The following SH3RF3 variants were observed in gnomAD, a reference collection of about 807,000 sequenced individuals.
SH3RF3 encodes the protein SH3 domain containing ring finger 3, also known as E3 ubiquitin-protein ligase SH3RF3.
Under a neutral mutation model 66.3 loss-of-function variants are expected in SH3RF3, and 29 were observed. The ratio of observed to expected loss-of-function variants is 0.44; its 90% CI spans 0.33 to 0.60. SH3RF3 has a LOEUF of 0.60. SH3RF3 is among the 20% of genes least tolerant of loss of function. The pLI is 0.04. For synonymous variants in SH3RF3, 583 were observed against 532.0 expected (o/e 1.10, Z -1.32); for missense variants, 1,194 against 1,190.9 (o/e 1.00, Z -0.04).
At chr2:109,407,957 T>C (rs1465589771) in intron 4 of SH3RF3, among the ~76,000 whole-genome samples, 1 of 152,176 alleles carries the variant, frequency 6.6e-6, no homozygotes, top group Non-Finnish European at 1.5e-5. Flanking sequence ...CTTTTGCTGC[T>C]ATGACGAGCT....
chr2:109,254,925 A>T (rs1211766106), intron 1 of SH3RF3, among the ~76,000 whole-genome samples: 1 of 152,170 alleles, frequency 6.6e-6, no homozygotes, highest in Admixed American at 6.5e-5. Context: ...CTGGTCTCAA[A>T]AGCTAGAAAA....
Position 109,366,507 on chromosome 2 carries a change from T to C in SH3RF3, c.850-5079T>C, listed in dbSNP as rs1156948329. 2.0e-5 allele frequency among the ~76,000 whole-genome samples: 3 copies of C among 152,226 alleles called. No homozygotes were observed. The East Asian group carries it at 5.8e-4, about 29-fold the overall frequency. On this transcript the variant is annotated intron_variant, in intron 2 of 9. Coordinates refer to ENST00000309415, the MANE Select transcript of SH3RF3 (RefSeq NM_001099289.3). ...ATATATACGTTTATGCACGTATACA[T>C]ATATACATACTTGAGGAGAATATCT... is the stretch of plus-strand genomic sequence containing the variant.
chr2:109,249,033 C>T (rs928176756), intron 1 of SH3RF3, among the ~76,000 whole-genome samples: 1 of 152,208 alleles, frequency 6.6e-6, no homozygotes, highest in Non-Finnish European at 1.5e-5. Flanking sequence ...AGGTGCATGC[C>T]ACCATGCCCA....
At chr2:109,315,697 C>G (rs2105442255) in intron 1 of SH3RF3, among the ~76,000 whole-genome samples, 1 of 152,350 alleles carries the variant, frequency 6.6e-6, no homozygotes, top group South Asian at 2.1e-4. Flanking sequence ...TCAGTCCAGG[C>G]TTTCCCACCC....
At chr2:109,240,132 G>T (rs1679744239) in intron 1 of SH3RF3, among the ~76,000 whole-genome samples, 1 of 152,166 alleles carries the variant, frequency 6.6e-6, no homozygotes, top group African/African-American at 2.4e-5. Context: ...TCTAGACTTG[G>T]CACTGCCCTC....
chr2:109,208,129 G>T (rs1450282497), intron 1 of SH3RF3, among the ~76,000 whole-genome samples: 1 of 152,268 alleles, frequency 6.6e-6, no homozygotes, highest in Middle Eastern at 3.2e-3. Flanking sequence ...GCCCCCATGG[G>T]CTCAGAGTCT....
Position 109,501,510 on chromosome 2 carries a change from G to T in SH3RF3, c.2488G>T (p.Val830Leu). 1 of 778,000 alleles carries T rather than the reference G, an allele frequency of 1.3e-6. No homozygotes were observed. Among genetic ancestry groups the T allele is most frequent in the Non-Finnish European group, 2.4e-6 (1 of 416,860 alleles). The allele number at this position is 778,000 out of a possible 1,614,324, so 48.2% of individuals were successfully genotyped here. A position where few individuals can be genotyped will look rare whatever the true frequency, so the allele number is the denominator to read the frequency against. ...ACTGTGCTGTTTCCCCAGGTACCGC[G>T]TGGTGGTCTCGTACCCACCCCAGAG... is the stretch of plus-strand genomic sequence containing the variant. Reference protein sequence around the residue: ...PKLLPRERYRVVVSYPPQSEA... With the variant: ...PKLLPRERYRLVVSYPPQSEA... The change falls in exon 10 of 10, where the codon GTG (valine) becomes TTG (leucine). Residue 830 changes from valine to leucine, a missense_variant. Val to Leu is a conservative substitution (Grantham distance 32). Transcript: ENST00000309415.
At chr2:109,278,796 C>G (rs1375074472) in intron 1 of SH3RF3, among the ~76,000 whole-genome samples, 1 of 152,178 alleles carries the variant, frequency 6.6e-6, no homozygotes, top group East Asian at 1.9e-4. Context: ...TCACCTGTAT[C>G]TTGTTTGTGG....
At position 109,240,955 on chromosome 2, in the gene SH3RF3, A is replaced by G. The variant is rs114419618; in HGVS notation, c.574-106719A>G. Among the ~76,000 whole-genome samples, 1,297 of 147,110 alleles carry G rather than the reference A, an allele frequency of 8.8e-3. 15 individuals are homozygous for G. Among genetic ancestry groups the G allele is most frequent in the African/African-American group, 0.031 (1,224 of 39,730 alleles). The stretch of plus-strand genomic sequence containing the variant: ...CATCTTCTTTCTCCCTCACCTCCTT[A>G]TAATCCACATCCAAACAAGTCCACA... On this transcript the variant is annotated intron_variant, in intron 1 of 9. Coordinates refer to ENST00000309415, the MANE Select transcript of SH3RF3 (RefSeq NM_001099289.3).
chr2:109,489,740 C>T (rs995003820), intron 8 of SH3RF3, among the ~76,000 whole-genome samples: 20 of 111,706 alleles, frequency 1.8e-4, no homozygotes, highest in Admixed American at 5.2e-4. Context: ...TTTTTTTTGG[C>T]GGGGGGTGGG....
rs568327634 is a variant in SH3RF3 at position 109,245,548 on chromosome 2, A to G, written c.574-102126A>G. On this transcript the variant is annotated intron_variant, in intron 1 of 9. Transcript: ENST00000309415. ...AATTAAGTTTTTATTTTTATTGGAC[A>G]AACTGCACCTCTAGCCTGACATGTT... is the stretch of plus-strand genomic sequence containing the variant. 9.2e-5 allele frequency among the ~76,000 whole-genome samples: 14 copies of G among 152,370 alleles called. No individual in the cohort carries two copies. The South Asian group carries it at 2.7e-3, about 29-fold the overall frequency.
intron 1 of SH3RF3, among the ~76,000 whole-genome samples, chr2:109,232,623 A>G (rs1276488106): frequency 1.3e-5 from 2 of 152,138 alleles, no homozygotes; most frequent in Non-Finnish European, 2.9e-5. Context: ...TACCCTGTCC[A>G]TCCCTTCTTT....
At chr2:109,394,820 T>C (rs545415461) in intron 3 of SH3RF3, among the ~76,000 whole-genome samples, 53 of 152,350 alleles carry the variant, frequency 3.5e-4, no homozygotes, top group African/African-American at 1.3e-3. Context: ...GCCACCTGGC[T>C]TCCCTGCAGC....
intron 1 of SH3RF3, among the ~76,000 whole-genome samples, chr2:109,251,810 T>C (rs1444181544): frequency 6.6e-6 from 1 of 152,218 alleles, no homozygotes; most frequent in Non-Finnish European, 1.5e-5. Flanking sequence ...AAATACCAAA[T>C]ATTTAATATT....
intron 1 of SH3RF3, among the ~76,000 whole-genome samples, chr2:109,203,381 C>G (rs1244436204): frequency 6.6e-6 from 1 of 152,198 alleles, no homozygotes; most frequent in Admixed American, 6.5e-5. Flanking sequence ...GACGGATGGC[C>G]TTGGGAGGGT....
At chr2:109,304,553 G>A (rs1026538109) in intron 1 of SH3RF3, among the ~76,000 whole-genome samples, 1 of 152,204 alleles carries the variant, frequency 6.6e-6, no homozygotes, top group African/African-American at 2.4e-5. Context: ...CTGGGTAAGA[G>A]TGGTTAACTC....
chr2:109,132,275 A>C (rs6707463), intron 1 of SH3RF3, among the ~76,000 whole-genome samples: 30,950 of 152,216 alleles, frequency 0.2, 3,912 homozygotes, highest in Middle Eastern at 0.36. Context: ...TATATAGGTA[A>C]GTATTGGCAT....
At chr2:109,142,982 C>T (rs1676992965) in intron 1 of SH3RF3, among the ~76,000 whole-genome samples, 1 of 151,996 alleles carries the variant, frequency 6.6e-6, no homozygotes, top group Non-Finnish European at 1.5e-5. Context: ...GGGCTGGTGT[C>T]CTGGCTGCTG....
chr2:109,394,994 A>G (rs1440970178), intron 3 of SH3RF3, among the ~76,000 whole-genome samples: 2 of 152,250 alleles, frequency 1.3e-5, no homozygotes, highest in African/African-American at 4.8e-5. Context: ...GTGGCCGGTG[A>G]GGGTCCTTCT....
Sources: allele counts gnomAD v4.1 joint callset (sites outside exome capture counted in the v4.1 genomes callset), GRCh38; gene constraint gnomAD v4.1.1; transcripts MANE v1.5; gene names NCBI Gene and HGNC (gene_info 2026-07-23, HGNC 2026-07-21).